The following PCM1 variants were observed in gnomAD, a reference collection of about 807,000 sequenced individuals.
The protein encoded by PCM1 is pericentriolar material 1, also known as pericentriolar material 1 protein.
Under a neutral mutation model 241.9 loss-of-function variants are expected in PCM1, and 157 were observed. The ratio of observed to expected loss-of-function variants is 0.65; its 90% confidence interval spans 0.57 to 0.74. The LOEUF (loss-of-function observed/expected upper bound fraction) is 0.74, where lower values mean the gene tolerates loss of function less well. PCM1 is among the 30% of genes least tolerant of loss of function. The pLI is 0.00. For synonymous variants in PCM1, 1,085 were observed against 784.9 expected, an observed-to-expected ratio of 1.38 and a Z score of -6.39; for missense variants, 3,478 against 2,360.1, an observed-to-expected ratio of 1.47 and a Z score of -9.81.
chr8:17,928,168 T>G (rs564632029), intron 2 of PCM1, among the ~76,000 whole-genome samples: 149 of 152,346 alleles, frequency 9.8e-4, no homozygotes, highest in Non-Finnish European at 1.7e-3. Context: ...CTGTTTAACT[T>G]GCATGGCAAA....
At chr8:18,011,420 T>C in intron 33 of PCM1, 54 bp downstream of exon 33, 2 of 1,399,806 alleles carry the variant, frequency 1.4e-6, no homozygotes, top group Non-Finnish European at 9.5e-7. Context: ...GTAGGTCATT[T>C]ATTGGAACAG....
chr8:17,968,927 C>T (rs1373992774), intron 21 of PCM1, among the ~76,000 whole-genome samples: 1 of 151,866 alleles, frequency 6.6e-6, no homozygotes. Flanking sequence ...AATGCTCTTC[C>T]TTTTTACTAA....
chr8:18,025,747 A>C (rs2094144940), intron 38 of PCM1, 89 bp downstream of exon 38: 2 of 738,500 alleles, frequency 2.7e-6, no homozygotes, highest in Admixed American at 3.1e-5. Context: ...ATATGCTACT[A>C]CTGACCTGGG....
intron 29 of PCM1, among the ~76,000 whole-genome samples, chr8:17,994,118 A>G (rs1230162736): frequency 6.6e-6 from 1 of 152,196 alleles, no homozygotes; most frequent in East Asian, 1.9e-4. Context: ...GTGCTGTTAA[A>G]TAATAGATCT....
At chr8:17,924,907 G>A (rs1479897593) in intron 2 of PCM1, 127 bp downstream of exon 2, 1 of 152,140 alleles carries the variant, frequency 6.6e-6, no homozygotes, top group African/African-American at 2.4e-5. Context: ...AAACTTTCTG[G>A]GTTCACCGCC....
intron 6 of PCM1, among the ~76,000 whole-genome samples, chr8:17,946,286 A>G (rs949714378): frequency 1.3e-5 from 2 of 152,176 alleles, no homozygotes; most frequent in African/African-American, 4.8e-5. Context: ...TTTAAGAGGA[A>G]AATAATGATG....
intron 23 of PCM1, among the ~76,000 whole-genome samples, chr8:17,977,610 ACCCTTC>A (rs2079211350): frequency 6.6e-6 from 1 of 151,972 alleles, no homozygotes; most frequent in South Asian, 2.1e-4. Flanking sequence ...CCTGTTATTA[ACCCTTC>A]CCCTTACCCC....
chr8:17,940,688 T>G (rs780279034), intron 6 of PCM1, among the ~76,000 whole-genome samples: 1 of 152,188 alleles, frequency 6.6e-6, no homozygotes, highest in East Asian at 1.9e-4. Flanking sequence ...ACATTGTGAC[T>G]TATTCACAAT....
rs1464057737 is a variant in PCM1 at position 17,987,542 on chromosome 8, A to G, written c.4410+1455A>G. Among the ~76,000 whole-genome samples, 5 of 151,930 alleles carry G rather than the reference A, an allele frequency of 3.3e-5. No homozygotes were observed. In the South Asian group the frequency reaches 6.2e-4, roughly 19 times the overall value. ...AAGGTTTTAAAGTTAAATGAAATTT[A>G]AAGATGCTGTACTACTTGATACGTA... On this transcript the variant is annotated intron_variant, in intron 26 of 38. Transcript: ENST00000325083.
chr8:17,985,379 C>T (rs759825053), intron 24 of PCM1, 68 bp from the exon 25 acceptor site: 1 of 978,746 alleles, frequency 1.0e-6, no homozygotes, highest in Non-Finnish European at 1.5e-6. Context: ...AGTAATGATA[C>T]TAGCTAATAA....
At chr8:17,964,527 A>G in intron 17 of PCM1, 41 bp from the exon 18 acceptor site, 3 of 1,499,612 alleles carry the variant, frequency 2.0e-6, no homozygotes, top group Non-Finnish European at 2.8e-6. Context: ...TATTTAACTT[A>G]TCTCCAGAAT....
chr8:18,027,734 C>A lies in PCM1; in HGVS notation c.*72C>A, dbSNP rs2129491133. The A allele has an allele frequency of 1.9e-6, 2 of 1,069,718 alleles. No individual in the cohort carries two copies. Among genetic ancestry groups the A allele is most frequent in the African/African-American group, 1.6e-5 (1 of 64,196 alleles). The allele number at this position is 1,069,718 out of a possible 1,614,324, so 66.3% of individuals were successfully genotyped here. On this transcript the variant is annotated 3_prime_UTR_variant, in exon 39 of 39. Coordinates refer to ENST00000325083, the MANE Select transcript of PCM1 (RefSeq NM_006197.4). ...ATATATGAAAACAATACTAAATAAA[C>A]ATCTGATCTGTATAAAAATGTAAAT... is the stretch of plus-strand genomic sequence containing the variant.
chr8:17,969,197 T>A lies in PCM1; in HGVS notation c.3413-380T>A, dbSNP rs932362819. ...TTTTTCATTTATTAGACGTTTGATT[T>A]CTAACCGTATTTGCTCACTGGTAAA... On this transcript the variant is annotated intron_variant, in intron 21 of 38. Transcript: ENST00000325083. 2.7e-4 allele frequency among the ~76,000 whole-genome samples: 41 copies of A among 152,154 alleles called. 1 individual carries two copies. The highest frequency in any genetic ancestry group is 8.8e-5 in the Non-Finnish European group (6 of 67,994).
intron 23 of PCM1, among the ~76,000 whole-genome samples, chr8:17,975,369 G>T (rs1349936502): frequency 6.6e-6 from 1 of 152,074 alleles, no homozygotes; most frequent in Non-Finnish European, 1.5e-5. Context: ...CTCCACGTTG[G>T]TCAGGCTAGT....
rs75950101 is a variant in PCM1 at position 18,010,461 on chromosome 8, A to C, written c.5161-148A>C. 6.3e-4 allele frequency: 355 copies of C among 563,590 alleles called. 1 individual carries two copies. In the African/African-American group the frequency reaches 6.4e-3, roughly 10 times the overall value. 34.9% of individuals were successfully genotyped at this position (563,590 alleles called of 1,614,324 possible). A position where few individuals can be genotyped will look rare whatever the true frequency, so the allele number is the denominator to read the frequency against. On this transcript the variant is annotated intron_variant, in intron 31 of 38. Transcript: ENST00000325083. Reference sequence around the variant, plus strand: ...GCTAAGAGCTTGATGAAAATAAAACAGCATGATACTATAATAAATGATTAG... The same window carrying C: ...GCTAAGAGCTTGATGAAAATAAAACCGCATGATACTATAATAAATGATTAG...
chr8:17,998,924 C>G (rs549487766), intron 29 of PCM1, among the ~76,000 whole-genome samples: 1 of 152,284 alleles, frequency 6.6e-6, no homozygotes, highest in African/African-American at 2.4e-5. Context: ...AAAGGAGTCT[C>G]TCCTGGTGGC....
In PCM1 at chr8:18,029,156, CAAAAAAAAAAA is replaced by C. The variant is rs11333913; in HGVS notation, c.*1510_*1520del. The C allele has an allele frequency of 1.1e-4, 6 of 56,402 alleles. No homozygotes were observed. The highest frequency in any genetic ancestry group is 3.1e-4 in the East Asian group (1 of 3,254). 3.5% of individuals were successfully genotyped at this position (56,402 alleles called of 1,614,324 possible). A position where few individuals can be genotyped will look rare whatever the true frequency, so the allele number is the denominator to read the frequency against. On this transcript the variant is annotated 3_prime_UTR_variant, in exon 39 of 39. Transcript: ENST00000325083. ...CTGGCAACAGAGCGAGACTCTGTCTCAAAAAAAAAAAAAAAAAAAAAAAAAAGTTAACTTGC... is the reference window on the plus strand; with the variant it reads ...CTGGCAACAGAGCGAGACTCTGTCTCAAAAAAAAAAAAAAAGTTAACTTGC...
chr8:17,937,441 T>C, intron 4 of PCM1, 62 bp downstream of exon 4: 1 of 1,365,372 alleles, frequency 7.3e-7, no homozygotes, highest in Non-Finnish European at 9.9e-7. Context: ...ATGGATTAAA[T>C]AATTTGTCTT....
chr8:17,991,996 C>T (rs2084819376), intron 28 of PCM1, among the ~76,000 whole-genome samples: 1 of 152,196 alleles, frequency 6.6e-6, no homozygotes, highest in Non-Finnish European at 1.5e-5. Context: ...GATTAACGGT[C>T]TCCAACTCTA....
Sources: allele counts gnomAD v4.1 joint callset (sites outside exome capture counted in the v4.1 genomes callset), GRCh38; gene constraint gnomAD v4.1.1; transcripts MANE v1.5; gene names NCBI Gene and HGNC (gene_info 2026-07-23, HGNC 2026-07-21).